PTPRM: variants seen among roughly 807,000 people sequenced by gnomAD.
The protein encoded by PTPRM is protein tyrosine phosphatase receptor type M, also known as receptor-type tyrosine-protein phosphatase mu.
PTPRM carries 47 observed loss-of-function variants against 186.7 expected under a neutral mutation model. The ratio of observed to expected loss-of-function variants is 0.25; its 90% CI spans 0.20 to 0.32. PTPRM has a LOEUF of 0.32. PTPRM is among the 10% of genes least tolerant of loss of function. PTPRM has a pLI of 1.00. For missense variants in PTPRM, 1,494 were observed against 1,865.0 expected (o/e 0.80, Z 3.66); for synonymous variants, 668 against 674.9 (o/e 0.99, Z 0.16).
chr18:7,972,545 T>C (rs1364526580), intron 7 of PTPRM, among the ~76,000 whole-genome samples: 1 of 148,038 alleles, frequency 6.8e-6, no homozygotes, highest in African/African-American at 2.5e-5. Context: ...TCTAAAGGGC[T>C]TTTTAGAAAT....
In PTPRM at chr18:8,300,154, A is replaced by G. The variant is rs144062057; in HGVS notation, c.2842+3699A>G. ...GAAATAATAGATCTCAGGTCCATAA[A>G]TAAATGGAGAATGTGTTGTGAGGAC... is the stretch of plus-strand genomic sequence containing the variant. On this transcript the variant is annotated intron_variant, in intron 20 of 32. Transcript: ENST00000580170. Among the ~76,000 whole-genome samples the G allele has an allele frequency of 3.3e-5, 5 of 152,310 alleles. No homozygotes were observed. The East Asian group carries it at 9.7e-4, about 29-fold the overall frequency.
intron 7 of PTPRM, among the ~76,000 whole-genome samples, chr18:8,016,522 G>A (rs1418948770): frequency 4.5e-5 from 6 of 132,462 alleles, no homozygotes; most frequent in Admixed American, 8.1e-5. Flanking sequence ...GACAGAGCAA[G>A]AGTCTGTCAA....
chr18:8,299,726 C>T (rs1389968529), intron 20 of PTPRM, among the ~76,000 whole-genome samples: 1 of 152,154 alleles, frequency 6.6e-6, no homozygotes, highest in Non-Finnish European at 1.5e-5. Flanking sequence ...AGGCCAATCT[C>T]AGTCTCAGTT....
At chr18:7,576,026 T>C (rs371640710) in intron 1 of PTPRM, among the ~76,000 whole-genome samples, 23 of 152,166 alleles carry the variant, frequency 1.5e-4, no homozygotes, top group African/African-American at 5.5e-4. Context: ...CCTTGCAAGC[T>C]AAAAGAGCAA....
chr18:7,733,649 A>G (rs560376183), intron 1 of PTPRM, among the ~76,000 whole-genome samples: 2 of 152,200 alleles, frequency 1.3e-5, no homozygotes, highest in Non-Finnish European at 2.9e-5. Flanking sequence ...TAGATCCTTG[A>G]GGAATCAGAG....
At chr18:7,868,056 A>G (rs552476753) in intron 2 of PTPRM, among the ~76,000 whole-genome samples, 1 of 152,088 alleles carries the variant, frequency 6.6e-6, no homozygotes, top group African/African-American at 2.4e-5. Flanking sequence ...CAGGTCATTT[A>G]TGTTCTTCTC....
intron 1 of PTPRM, among the ~76,000 whole-genome samples, chr18:7,576,777 G>A (rs887209245): frequency 2.2e-4 from 33 of 152,194 alleles, no homozygotes; most frequent in Non-Finnish European, 4.4e-4. Flanking sequence ...GGCCCAGCCT[G>A]TTTTTGATGG....
intron 29 of PTPRM, 135 bp from the exon 30 acceptor site, chr18:8,384,426 C>G: frequency 2.0e-6 from 2 of 1,009,018 alleles, no homozygotes; most frequent in Non-Finnish European, 2.9e-6. Context: ...CCACTGCACT[C>G]TAGCTGGGGA....
At chr18:7,772,444 CCCTTCCTTCCTTCCTTCCTT>C (rs200187256) in intron 1 of PTPRM, among the ~76,000 whole-genome samples, 43,550 of 92,446 alleles carry the variant, frequency 0.47, 11,110 homozygotes, top group East Asian at 0.65. Context: ...CTTCCCCTTC[CCCTTCCTTCCTTCCTTCCTT>C]CCTTCCTTCC....
intron 5 of PTPRM, among the ~76,000 whole-genome samples, chr18:7,943,802 G>T (rs1380876382): frequency 6.6e-6 from 1 of 152,084 alleles, no homozygotes; most frequent in Non-Finnish European, 1.5e-5. Flanking sequence ...ATAGAACCTT[G>T]TGATTACGTT....
chr18:8,136,527 G>A (rs771791744), intron 13 of PTPRM, among the ~76,000 whole-genome samples: 1 of 150,686 alleles, frequency 6.6e-6, no homozygotes, highest in Non-Finnish European at 1.5e-5. Context: ...CATTATCTCA[G>A]TCTTATATGA....
At chr18:7,590,528 C>T (rs561330301) in intron 1 of PTPRM, among the ~76,000 whole-genome samples, 5 of 152,228 alleles carry the variant, frequency 3.3e-5, no homozygotes, top group African/African-American at 4.8e-5. Flanking sequence ...TCCCTGAAGG[C>T]GTATTCATTA....
intron 1 of PTPRM, among the ~76,000 whole-genome samples, chr18:7,656,214 G>T (rs990423827): frequency 6.6e-6 from 1 of 152,192 alleles, no homozygotes; most frequent in Non-Finnish European, 1.5e-5. Context: ...TAAACAAAAT[G>T]AAGTATATTC....
chr18:8,380,510 G>A, intron 29 of PTPRM, 83 bp downstream of exon 29: 1 of 1,520,482 alleles, frequency 6.6e-7, no homozygotes, highest in Non-Finnish European at 9.1e-7. Context: ...CACCCGAGAA[G>A]TGCAGGCCCT....
At chr18:7,804,561 A>G (rs1303259292) in intron 2 of PTPRM, among the ~76,000 whole-genome samples, 1 of 152,112 alleles carries the variant, frequency 6.6e-6, no homozygotes, top group Non-Finnish European at 1.5e-5. Flanking sequence ...CTATCATATT[A>G]TTGCTGTTCT....
At chr18:8,111,969 G>A (rs2091776317) in intron 11 of PTPRM, among the ~76,000 whole-genome samples, 1 of 152,154 alleles carries the variant, frequency 6.6e-6, no homozygotes, top group Admixed American at 6.5e-5. Flanking sequence ...TGTCAACTGT[G>A]GCTGTGCTAC....
In PTPRM at chr18:8,253,219, T is replaced by G; in HGVS notation, c.2567-8T>G. 1 of 1,422,924 alleles carries G rather than the reference T, an allele frequency of 7.0e-7. No individual in the cohort carries two copies. 88.1% of individuals were successfully genotyped at this position (1,422,924 alleles called of 1,614,324 possible). On this transcript the variant is annotated splice_polypyrimidine_tract_variant and splice_region_variant and intron_variant, in intron 18 of 32. Transcript: ENST00000580170. The stretch of plus-strand genomic sequence containing the variant: ...TCCCTCATTTTCTCCCTGGCCTTCT[T>G]TTCCTAGATGAAACCCACACAATGG...
rs535490469 is a variant in PTPRM at position 7,567,992 on chromosome 18, G to C, written c.73+101G>C. 50 of 1,132,186 alleles carry C rather than the reference G, an allele frequency of 4.4e-5. No homozygotes were observed. The African/African-American group carries it at 7.9e-4, about 18-fold the overall frequency. The allele number at this position is 1,132,186 out of a possible 1,614,324, so 70.1% of individuals were successfully genotyped here. On this transcript the variant is annotated intron_variant, in intron 1 of 32. Transcript: ENST00000580170. This position sits in a 1 kb window ranked among gnomAD's most constrained non-coding sequence, Gnocchi z 4.3. ...GTGGTAGAGCCCTAAGGCTGGCGTCGGGGCCGGGCGGGGGGCGCGGCGGGC... is the reference window on the plus strand; with the variant it reads ...GTGGTAGAGCCCTAAGGCTGGCGTCCGGGCCGGGCGGGGGGCGCGGCGGGC...
rs183732709 is a variant in PTPRM, at chr18:8,316,036, C to G, written c.2919+1179C>G. Reference sequence around the variant, plus strand: ...TAATCAGCACATGTTTAGTGAGAACCTCATGGGAGTACTCAGATGTTCCAG... The same window carrying G: ...TAATCAGCACATGTTTAGTGAGAACGTCATGGGAGTACTCAGATGTTCCAG... On this transcript the variant is annotated intron_variant, in intron 21 of 32. Transcript: ENST00000580170. 3.3e-5 allele frequency among the ~76,000 whole-genome samples: 5 copies of G among 152,282 alleles called. No homozygotes were observed. In the East Asian group the frequency reaches 9.6e-4, roughly 29 times the overall value.
Sources: allele counts gnomAD v4.1 joint callset (sites outside exome capture counted in the v4.1 genomes callset), GRCh38; gene constraint gnomAD v4.1.1; non-coding constraint Gnocchi (gnomAD v3.1); transcripts MANE v1.5; gene names NCBI Gene and HGNC (gene_info 2026-07-23, HGNC 2026-07-21).